Variants in ITGA4 observed in about 807,000 individuals in gnomAD.
The protein encoded by ITGA4 is integrin alpha-4.
Under a neutral mutation model 133.6 loss-of-function variants are expected in ITGA4, and 63 were observed. The observed-to-expected ratio is 0.47, with a 90% CI of 0.38 to 0.58. The LOEUF is 0.58. ITGA4 is among the 20% of genes least tolerant of loss of function. ITGA4 has a pLI of 0.00. For synonymous variants in ITGA4, 483 were observed against 438.0 expected, an observed-to-expected ratio of 1.10 and a Z score of -1.28; for missense variants, 1,076 against 1,252.7, an observed-to-expected ratio of 0.86 and a Z score of 2.13.
rs1687305357 is a variant in ITGA4 at position 181,538,353 on chromosome 2, G to A, written c.*2826G>A. ...CAAATACAAATTGATAACAAACACA[G>A]CATTCCCAACAGAGCTGTAATCTAG... is the stretch of plus-strand genomic sequence containing the variant. On this transcript the variant is annotated 3_prime_UTR_variant, in exon 28 of 28. Transcript: ENST00000397033. The A allele has an allele frequency of 4.5e-6, 3 of 670,428 alleles. No individual in the cohort carries two copies. The highest frequency in any genetic ancestry group is 8.1e-6 in the Non-Finnish European group (3 of 368,112). The allele number at this position is 670,428 out of a possible 1,614,324, so 41.5% of individuals were successfully genotyped here.
rs936171635 is a variant in ITGA4 at position 181,529,463 on chromosome 2, A to C, written c.2431-78A>C. The C allele has an allele frequency of 2.9e-5, 20 of 683,306 alleles. No homozygotes were observed. The African/African-American group carries it at 3.7e-4, about 13-fold the overall frequency. The allele number at this position is 683,306 out of a possible 1,614,324, so 42.3% of individuals were successfully genotyped here. ...AATGTTGCATGGAATATACGGGATCACCTAAAAGCTCACTGATATCTGTAC... is the reference window on the plus strand; with the variant it reads ...AATGTTGCATGGAATATACGGGATCCCCTAAAAGCTCACTGATATCTGTAC... On this transcript the variant is annotated intron_variant, in intron 22 of 27. Transcript: ENST00000397033.
At chr2:181,470,994 CAA>C (rs1685537387) in intron 2 of ITGA4, among the ~76,000 whole-genome samples, 1 of 152,126 alleles carries the variant, frequency 6.6e-6, no homozygotes, top group Non-Finnish European at 1.5e-5. Flanking sequence ...AAAGTTACCT[CAA>C]TATTATTGCT....
chr2:181,535,035 G>T (rs16867438), intron 27 of ITGA4, 100 bp downstream of exon 27: 152,291 of 1,327,278 alleles, frequency 0.11, 9,595 homozygotes, highest in East Asian at 0.22. Context: ...TTCACTATTT[G>T]AATGTTAACT....
chr2:181,522,143 G>T, intron 17 of ITGA4, 48 bp from the exon 18 acceptor site: 1 of 1,177,002 alleles, frequency 8.5e-7, no homozygotes, highest in South Asian at 1.5e-5. Context: ...AAGAGAGAGG[G>T]ATTTTTATTT....
At chr2:181,524,308 G>A in intron 20 of ITGA4, 58 bp downstream of exon 20, 7 of 923,580 alleles carry the variant, frequency 7.6e-6, no homozygotes, top group South Asian at 3.4e-5. Context: ...CTGAGGGGGG[G>A]GAATTAGGAG....
In ITGA4 at chr2:181,536,743, G is replaced by A. The variant is rs977520250; in HGVS notation, c.*1216G>A. On this transcript the variant is annotated 3_prime_UTR_variant, in exon 28 of 28. Coordinates refer to ENST00000397033, the MANE Select transcript of ITGA4 (RefSeq NM_000885.6). ...AGGTTCTATTTTAAATGACTTTCTGGATTTTAAAAAATTTCTTTAAATACA... is the reference window on the plus strand; with the variant it reads ...AGGTTCTATTTTAAATGACTTTCTGAATTTTAAAAAATTTCTTTAAATACA... 4.1e-6 allele frequency: 1 copy of A among 245,536 alleles called. No homozygotes were observed. Among genetic ancestry groups the A allele is most frequent in the African/African-American group, 2.3e-5 (1 of 43,418 alleles). The allele number at this position is 245,536 out of a possible 1,614,324, so 15.2% of individuals were successfully genotyped here.
At chr2:181,461,456 T>G (rs1354933644) in intron 2 of ITGA4, among the ~76,000 whole-genome samples, 1 of 151,800 alleles carries the variant, frequency 6.6e-6, no homozygotes, top group African/African-American at 2.4e-5. Flanking sequence ...GAAGACTATA[T>G]CTGAGGAGAC....
chr2:181,487,485 G>C (rs1245161087), intron 10 of ITGA4, among the ~76,000 whole-genome samples: 3 of 152,138 alleles, frequency 2.0e-5, no homozygotes, highest in African/African-American at 7.2e-5. Context: ...TCAGGTCAGC[G>C]CTGCTCCTAT....
At chr2:181,475,788 A>G in intron 4 of ITGA4, 1 of 1,581,730 alleles carries the variant, frequency 6.3e-7, no homozygotes, top group Non-Finnish European at 8.6e-7. Flanking sequence ...TTGAGTTTGA[A>G]ACATTTTTCT....
At chr2:181,470,791 C>G (rs1399278006) in intron 2 of ITGA4, among the ~76,000 whole-genome samples, 2 of 152,120 alleles carry the variant, frequency 1.3e-5, no homozygotes, top group Non-Finnish European at 2.9e-5. Context: ...GGGAGGATTA[C>G]AAGAGCCCAG....
At position 181,509,751 on chromosome 2, in the gene ITGA4, C is replaced by T; in HGVS notation, c.1789C>T (p.Pro597Ser). ...VISKRSTEEF[P>S]PLQPILQQKK... ...CAGTAAACGAAGTACAGAGGAATTC[C>T]CACCACTTCAGCCAATTCTTCAGCA... The change falls in exon 16 of 28, where the codon CCA becomes TCA. Residue 597 changes from proline (P) to serine (S), a missense_variant. By Grantham distance (74) the Pro-to-Ser change is moderately conservative. This residue lies in a region of ITGA4 where 365 missense variants were observed against 421.4 expected (regional missense o/e 0.87). Transcript: ENST00000397033. 6.2e-7 allele frequency: 1 copy of T among 1,611,074 alleles called. No homozygotes were observed. The highest frequency in any genetic ancestry group is 8.5e-7 in the Non-Finnish European group (1 of 1,178,314).
At chr2:181,466,993 A>T (rs1293555930) in intron 2 of ITGA4, among the ~76,000 whole-genome samples, 3 of 152,142 alleles carry the variant, frequency 2.0e-5, no homozygotes, top group Non-Finnish European at 2.9e-5. Context: ...ATGTTCTCAT[A>T]TTTGAATTGA....
At position 181,530,636 on chromosome 2, in the gene ITGA4, A is replaced by C. The variant is rs199517047; in HGVS notation, c.2651A>C (p.Asp884Ala). Residue 884 changes from aspartate (D) to alanine (A), a missense_variant, in exon 24 of 28, where the codon GAT becomes GCT. Physicochemically the swap from Asp to Ala is moderately radical, Grantham distance 126 (BLOSUM62 -2). Transcript: ENST00000397033. Reference protein sequence around the residue: ...KGIVRFLSKTDKRLLYCIKAD... With the variant: ...KGIVRFLSKTAKRLLYCIKAD... ...ATAGTCCGGTTCTTGTCCAAGACTG[A>C]TAAGAGGCTATTGGTAAGTTTCAGT... The C allele has an allele frequency of 9.3e-6, 15 of 1,610,830 alleles. No individual in the cohort carries two copies. Among genetic ancestry groups the C allele is most frequent in the East Asian group, 2.2e-5 (1 of 44,796 alleles).
In ITGA4 at chr2:181,524,153, C is replaced by T. The variant is rs1686785227; in HGVS notation, c.2170-18C>T. On this transcript the variant is annotated intron_variant, in intron 19 of 27. Coordinates refer to ENST00000397033, the MANE Select transcript of ITGA4 (RefSeq NM_000885.6). ...TTAAGATTTTTTTTAATGGGCTTTCCTGGTCTGTGTTTTACAGATAGATAT... is the reference window on the plus strand; with the variant it reads ...TTAAGATTTTTTTTAATGGGCTTTCTTGGTCTGTGTTTTACAGATAGATAT... 1.9e-6 allele frequency: 3 copies of T among 1,544,412 alleles called. No homozygotes were observed. The highest frequency in any genetic ancestry group is 1.2e-5 in the South Asian group (1 of 82,942).
intron 2 of ITGA4, among the ~76,000 whole-genome samples, chr2:181,466,391 A>AT (rs1685416430): frequency 6.6e-6 from 1 of 152,116 alleles, no homozygotes; most frequent in Non-Finnish European, 1.5e-5. Context: ...CCATTGTGAG[A>AT]TTTTATTTAG....
chr2:181,534,746 A>G, intron 26 of ITGA4, 70 bp from the exon 27 acceptor site: 8 of 1,344,532 alleles, frequency 6.0e-6, no homozygotes, highest in South Asian at 4.0e-5. Context: ...GCTTTAAAGG[A>G]AATATAAGCA....
At chr2:181,490,563 A>G (rs1686030088) in intron 10 of ITGA4, among the ~76,000 whole-genome samples, 1 of 151,158 alleles carries the variant, frequency 6.6e-6, no homozygotes, top group Non-Finnish European at 1.5e-5. Flanking sequence ...GACACAGAAC[A>G]GGAATTGGTA....
intron 2 of ITGA4, among the ~76,000 whole-genome samples, chr2:181,465,634 G>T (rs1685393766): frequency 6.6e-6 from 1 of 152,124 alleles, no homozygotes; most frequent in South Asian, 2.1e-4. Flanking sequence ...TGGAGGTTCA[G>T]AATTTTCTTT....
chr2:181,469,276 A>G (rs1227875321), intron 2 of ITGA4, among the ~76,000 whole-genome samples: 1 of 152,220 alleles, frequency 6.6e-6, no homozygotes. Context: ...TTAAAACAGT[A>G]GGTTTTTAAA....
Sources: gnomAD v4.1 joint callset for allele counts (sites outside exome capture counted in the v4.1 genomes callset) on GRCh38, gnomAD v4.1.1 for gene constraint, gnomAD v4.1.1 regional missense constraint, MANE v1.5 for transcripts, NCBI Gene and HGNC (gene_info 2026-07-23, HGNC 2026-07-21) for gene names.